The following FKBP5 variants were observed in gnomAD, a reference collection of about 807,000 sequenced individuals.
The protein encoded by FKBP5 is FKBP prolyl isomerase 5, also known as peptidyl-prolyl cis-trans isomerase FKBP5.
Under a neutral mutation model 50.5 loss-of-function variants are expected in FKBP5, and 23 were observed. That is an observed-to-expected ratio of 0.46 (90% CI 0.33 to 0.65). The LOEUF is 0.65. FKBP5 is among the 30% of genes least tolerant of loss of function. FKBP5 has a pLI of 0.02. For synonymous variants in FKBP5, 176 were observed against 190.6 expected (o/e 0.92, Z 0.63); for missense variants, 411 against 553.1 (o/e 0.74, Z 2.58).
intron 5 of FKBP5, among the ~76,000 whole-genome samples, chr6:35,600,543 TA>T (rs35341260): frequency 2.2e-4 from 32 of 148,770 alleles, no homozygotes; most frequent in South Asian, 1.5e-3. Flanking sequence ...ACACTTTTCA[TA>T]AAAAAAAAAA....
chr6:35,634,599 T>C (rs890256048), intron 3 of FKBP5, among the ~76,000 whole-genome samples: 2 of 152,188 alleles, frequency 1.3e-5, no homozygotes, highest in African/African-American at 2.4e-5. Flanking sequence ...CCTCAGTTTC[T>C]GCTTACTATA....
At chr6:35,717,410 G>T (rs1418485394) in intron 2 of FKBP5, among the ~76,000 whole-genome samples, 2 of 152,232 alleles carry the variant, frequency 1.3e-5, no homozygotes, top group Non-Finnish European at 1.5e-5. Context: ...GTGAGTGTGT[G>T]CTCCATGTGC....
intron 8 of FKBP5, chr6:35,584,910 A>C (rs1762555185): frequency 1.0e-6 from 1 of 985,362 alleles, no homozygotes; most frequent in Non-Finnish European, 1.2e-6. Flanking sequence ...GCTGATAAGC[A>C]ACAAAGTTAA....
At chr6:35,593,775 G>A (rs1183945228) in intron 6 of FKBP5, among the ~76,000 whole-genome samples, 6 of 151,674 alleles carry the variant, frequency 4.0e-5, no homozygotes, top group South Asian at 2.1e-4. Flanking sequence ...GGCTGGTCGC[G>A]AACTCCTGAC....
At chr6:35,602,411 G>C (rs1763173219) in intron 5 of FKBP5, among the ~76,000 whole-genome samples, 1 of 152,056 alleles carries the variant, frequency 6.6e-6, no homozygotes, top group Non-Finnish European at 1.5e-5. Flanking sequence ...TGGGTCATGA[G>C]GATCTGAATG....
At chr6:35,655,685 T>C (rs950013590) in intron 1 of FKBP5, among the ~76,000 whole-genome samples, 6 of 152,156 alleles carry the variant, frequency 3.9e-5, no homozygotes, top group Non-Finnish European at 7.4e-5. Context: ...TCAGACACCA[T>C]AAAGAATCAG....
At chr6:35,579,353 T>G (rs923152348) in intron 9 of FKBP5, among the ~76,000 whole-genome samples, 1 of 152,154 alleles carries the variant, frequency 6.6e-6, no homozygotes, top group Non-Finnish European at 1.5e-5. Context: ...TTAAGATACA[T>G]CCAATGATTA....
intron 3 of FKBP5, among the ~76,000 whole-genome samples, chr6:35,626,284 A>G (rs1763996546): frequency 6.6e-6 from 1 of 152,196 alleles, no homozygotes. Context: ...AAAAGCATAC[A>G]AAGCCCAGTA....
intron 1 of FKBP5, among the ~76,000 whole-genome samples, chr6:35,656,454 G>A (rs1764951525): frequency 1.3e-5 from 2 of 152,158 alleles, no homozygotes; most frequent in African/African-American, 2.4e-5. Flanking sequence ...TTGCTATGTG[G>A]AAGGAAAAAC....
At chr6:35,580,512 T>C (rs1235566201) in intron 8 of FKBP5, 3 of 216,346 alleles carry the variant, frequency 1.4e-5, no homozygotes, top group African/African-American at 4.7e-5. Context: ...TCTTTGGTGC[T>C]AATATTCTTT....
intron 2 of FKBP5, among the ~76,000 whole-genome samples, chr6:35,704,003 T>C (rs1766236364): frequency 6.6e-6 from 1 of 152,208 alleles, no homozygotes; most frequent in African/African-American, 2.4e-5. Flanking sequence ...GCCTGGAATC[T>C]GTCTCTCTCC....
At chr6:35,643,549 C>G (rs1764550852) in intron 1 of FKBP5, among the ~76,000 whole-genome samples, 1 of 152,198 alleles carries the variant, frequency 6.6e-6, no homozygotes, top group Non-Finnish European at 1.5e-5. Context: ...CAATCTGGCC[C>G]TAATCTATCT....
At chr6:35,717,673 C>T (rs1214757854) in intron 2 of FKBP5, among the ~76,000 whole-genome samples, 2 of 152,154 alleles carry the variant, frequency 1.3e-5, no homozygotes, top group Non-Finnish European at 2.9e-5. Context: ...GCTGTGGGAA[C>T]AGGAGTCATG....
intron 1 of FKBP5, among the ~76,000 whole-genome samples, chr6:35,667,580 A>C (rs1765267270): frequency 6.6e-6 from 1 of 152,212 alleles, no homozygotes; most frequent in South Asian, 2.1e-4. Context: ...CAAATAAACA[A>C]ATAAGAAGTA....
chr6:35,670,893 C>A (rs761248402), intron 1 of FKBP5, among the ~76,000 whole-genome samples: 4 of 151,962 alleles, frequency 2.6e-5, no homozygotes, highest in Non-Finnish European at 5.9e-5. Context: ...TATAAATGCA[C>A]ACATACACAT....
At chr6:35,679,707 T>A (rs1277577263) in intron 1 of FKBP5, among the ~76,000 whole-genome samples, 1 of 152,178 alleles carries the variant, frequency 6.6e-6, no homozygotes, top group East Asian at 1.9e-4. Context: ...CACCTATAAG[T>A]GGGAGATAAA....
intron 1 of FKBP5, among the ~76,000 whole-genome samples, chr6:35,664,319 C>T (rs956449423): frequency 6.6e-6 from 1 of 151,836 alleles, no homozygotes. Context: ...GATATTCAAA[C>T]AAGATGAAAG....
chr6:35,619,835 C>A (rs1763777488), intron 4 of FKBP5, among the ~76,000 whole-genome samples: 1 of 152,188 alleles, frequency 6.6e-6, no homozygotes, highest in South Asian at 2.1e-4. Flanking sequence ...ATCCTGTACT[C>A]TGGTCAATTT....
chr6:35,705,315 G>A (rs1766288399), intron 2 of FKBP5, among the ~76,000 whole-genome samples: 1 of 122,380 alleles, frequency 8.2e-6, no homozygotes. Flanking sequence ...CACCCAGGCT[G>A]GAGTGCAATG....
Sources: allele counts gnomAD v4.1 joint callset (sites outside exome capture counted in the v4.1 genomes callset), GRCh38; gene constraint gnomAD v4.1.1; transcripts MANE v1.5; gene names NCBI Gene and HGNC (gene_info 2026-07-23, HGNC 2026-07-21).